The following AKAP6 variants were observed in gnomAD, a reference collection of about 807,000 sequenced individuals.
The protein encoded by AKAP6 is A-kinase anchor protein 6.
AKAP6 carries 58 observed loss-of-function variants against 188.5 expected under a neutral mutation model. The ratio of observed to expected loss-of-function variants is 0.31; its 90% CI spans 0.25 to 0.38. AKAP6 has a LOEUF of 0.38. Ranked by LOEUF, AKAP6 falls within the 10% of genes least tolerant of loss-of-function variation. AKAP6 has a pLI of 1.00. For missense variants in AKAP6, 2,710 were observed against 2,740.0 expected, an observed-to-expected ratio of 0.99 and a Z score of 0.24; for synonymous variants, 989 against 998.6, an observed-to-expected ratio of 0.99 and a Z score of 0.18.
At chr14:32,395,361 G>A (rs1226041024) in intron 1 of AKAP6, among the ~76,000 whole-genome samples, 2 of 152,212 alleles carry the variant, frequency 1.3e-5, no homozygotes, top group East Asian at 3.9e-4. Context: ...ATAACAGGTA[G>A]ATACAGCCCT....
At chr14:32,741,493 G>A (rs1419780422) in intron 11 of AKAP6, among the ~76,000 whole-genome samples, 1 of 151,822 alleles carries the variant, frequency 6.6e-6, no homozygotes, top group Non-Finnish European at 1.5e-5. Flanking sequence ...ACTACCTGTG[G>A]CTCGGTCGTA....
At chr14:32,506,441 G>A (rs779801353) in intron 2 of AKAP6, among the ~76,000 whole-genome samples, 12 of 152,242 alleles carry the variant, frequency 7.9e-5, no homozygotes, top group Admixed American at 4.6e-4. Flanking sequence ...AAGGGACAGG[G>A]AACAGTTGAT....
intron 7 of AKAP6, among the ~76,000 whole-genome samples, chr14:32,658,096 A>G (rs974943991): frequency 1.3e-5 from 2 of 152,134 alleles, no homozygotes; most frequent in African/African-American, 4.8e-5. Flanking sequence ...GTCTTCAGAA[A>G]CTGGTGCTTT....
intron 11 of AKAP6, among the ~76,000 whole-genome samples, chr14:32,739,812 G>A (rs1461852572): frequency 6.6e-6 from 1 of 152,108 alleles, no homozygotes. Flanking sequence ...CTTGGCTATT[G>A]TGAATAGTGC....
At chr14:32,721,447 A>G (rs1476855931) in intron 9 of AKAP6, among the ~76,000 whole-genome samples, 1 of 152,258 alleles carries the variant, frequency 6.6e-6, no homozygotes. Context: ...TTGTTGAAAT[A>G]TGAACCTAAC....
intron 11 of AKAP6, among the ~76,000 whole-genome samples, chr14:32,755,856 T>G (rs957350069): frequency 6.6e-6 from 1 of 152,246 alleles, no homozygotes; most frequent in African/African-American, 2.4e-5. Context: ...GGCCACTAAC[T>G]CATGGTTTAT....
intron 1 of AKAP6, among the ~76,000 whole-genome samples, chr14:32,356,978 T>G (rs1016439701): frequency 1.3e-5 from 2 of 152,256 alleles, no homozygotes; most frequent in African/African-American, 4.8e-5. Context: ...AAATTCATAT[T>G]ACAGTGAATT....
At chr14:32,674,521 A>G (rs929288581) in intron 7 of AKAP6, among the ~76,000 whole-genome samples, 1 of 152,196 alleles carries the variant, frequency 6.6e-6, no homozygotes, top group Non-Finnish European at 1.5e-5. Context: ...ATAACCTGCT[A>G]AAGGAAATGA....
chr14:32,504,500 G>C (rs753057706), intron 2 of AKAP6, among the ~76,000 whole-genome samples: 1 of 152,030 alleles, frequency 6.6e-6, no homozygotes, highest in Non-Finnish European at 1.5e-5. Flanking sequence ...GGCTGGTCTC[G>C]AACTCCTGAG....
chr14:32,347,846 C>T (rs182248208), intron 1 of AKAP6, among the ~76,000 whole-genome samples: 1 of 152,348 alleles, frequency 6.6e-6, no homozygotes, highest in Admixed American at 6.5e-5. Context: ...CTTCTGTTGA[C>T]CTGGTTCCTC....
chr14:32,464,459 G>A (rs1277865830), intron 2 of AKAP6, among the ~76,000 whole-genome samples: 2 of 152,268 alleles, frequency 1.3e-5, no homozygotes, highest in African/African-American at 4.8e-5. Flanking sequence ...ATCAATAAAT[G>A]TAATCCATCA....
chr14:32,407,083 C>T (rs1054523072), intron 1 of AKAP6, among the ~76,000 whole-genome samples: 2 of 152,158 alleles, frequency 1.3e-5, no homozygotes, highest in African/African-American at 4.8e-5. Flanking sequence ...ACCCAAGTGC[C>T]TCCATTTATG....
intron 1 of AKAP6, among the ~76,000 whole-genome samples, chr14:32,377,421 A>C (rs1007150994): frequency 3.3e-5 from 5 of 152,160 alleles, no homozygotes; most frequent in Non-Finnish European, 7.4e-5. Context: ...AATAGAAGAG[A>C]GCCTTCTCTG....
chr14:32,390,517 T>C (rs892459202), intron 1 of AKAP6, among the ~76,000 whole-genome samples: 2 of 152,188 alleles, frequency 1.3e-5, no homozygotes, highest in Non-Finnish European at 2.9e-5. Flanking sequence ...GGCTGTTGTT[T>C]AGATTCTTTT....
chr14:32,452,264 G>A (rs1048764804), intron 2 of AKAP6, among the ~76,000 whole-genome samples: 2 of 152,040 alleles, frequency 1.3e-5, no homozygotes, highest in Non-Finnish European at 2.9e-5. Context: ...AAACTCCTGA[G>A]CTCAAGCAAT....
chr14:32,357,869 C>G (rs1288934567), intron 1 of AKAP6, among the ~76,000 whole-genome samples: 1 of 152,182 alleles, frequency 6.6e-6, no homozygotes. Context: ...TGCATTGTAG[C>G]ATATATGGCT....
intron 5 of AKAP6, among the ~76,000 whole-genome samples, chr14:32,583,272 T>G (rs1165688956): frequency 6.6e-6 from 1 of 152,202 alleles, no homozygotes; most frequent in Non-Finnish European, 1.5e-5. Context: ...CCTGTTTGCC[T>G]GGGTATCAGC....
intron 11 of AKAP6, among the ~76,000 whole-genome samples, chr14:32,753,799 T>C (rs1009989897): frequency 5.9e-5 from 9 of 152,182 alleles, no homozygotes; most frequent in African/African-American, 2.2e-4. Context: ...TGGCGTGTTC[T>C]TGCTACCTTT....
chr14:32,505,429 A>T (rs962161922), intron 2 of AKAP6, among the ~76,000 whole-genome samples: 4 of 152,008 alleles, frequency 2.6e-5, no homozygotes, highest in Non-Finnish European at 5.9e-5. Context: ...TGACAAAAAA[A>T]ACTTGGTAAT....
Sources: gnomAD v4.1 joint callset for allele counts (sites outside exome capture counted in the v4.1 genomes callset) on GRCh38, gnomAD v4.1.1 for gene constraint, MANE v1.5 for transcripts, NCBI Gene and HGNC (gene_info 2026-07-23, HGNC 2026-07-21) for gene names.